The following KCNIP4 variants were observed in gnomAD, a reference collection of about 807,000 sequenced individuals.
KCNIP4 encodes Kv channel-interacting protein 4.
A neutral mutation model predicts 34.0 loss-of-function variants in KCNIP4; 12 were observed. The observed-to-expected ratio is 0.35, with a 90% CI of 0.23 to 0.57. The LOEUF is 0.57. Ranked by LOEUF, KCNIP4 falls within the 20% of genes least tolerant of loss-of-function variation. The pLI is 0.83. For synonymous variants in KCNIP4, 124 were observed against 102.2 expected, an observed-to-expected ratio of 1.21 and a Z score of -1.29; for missense variants, 238 against 311.7, an observed-to-expected ratio of 0.76 and a Z score of 1.78.
chr4:21,244,262 G>A (rs1453254814), intron 1 of KCNIP4, among the ~76,000 whole-genome samples: 1 of 152,042 alleles, frequency 6.6e-6, no homozygotes, highest in South Asian at 2.1e-4. Flanking sequence ...CATTTTTCTT[G>A]CTCGTGGAAG....
At chr4:20,890,068 T>C (rs890534851) in intron 1 of KCNIP4, among the ~76,000 whole-genome samples, 1 of 152,136 alleles carries the variant, frequency 6.6e-6, no homozygotes, top group African/African-American at 2.4e-5. Flanking sequence ...ACCTATGACA[T>C]TGCAGATCCC....
intron 1 of KCNIP4, among the ~76,000 whole-genome samples, chr4:21,469,555 C>T (rs924487317): frequency 6.6e-6 from 1 of 152,034 alleles, no homozygotes; most frequent in Non-Finnish European, 1.5e-5. Flanking sequence ...TCAATGAAAA[C>T]GTTTTGTACA....
At chr4:21,691,311 G>A (rs974425344) in intron 1 of KCNIP4, among the ~76,000 whole-genome samples, 2 of 152,104 alleles carry the variant, frequency 1.3e-5, no homozygotes, top group African/African-American at 4.8e-5. Flanking sequence ...TCTGTGGGTA[G>A]GCTATATTCC....
chr4:21,299,199 A>T (rs1041595280), intron 1 of KCNIP4, among the ~76,000 whole-genome samples: 1 of 152,066 alleles, frequency 6.6e-6, no homozygotes, highest in Non-Finnish European at 1.5e-5. Flanking sequence ...CATATAGGTG[A>T]TAATAAAAAG....
intron 2 of KCNIP4, among the ~76,000 whole-genome samples, chr4:20,868,521 A>C (rs1273670643): frequency 6.6e-6 from 1 of 152,102 alleles, no homozygotes; most frequent in Non-Finnish European, 1.5e-5. Context: ...TAATTCTACC[A>C]AAAAGACACA....
rs141989180 is a variant in KCNIP4, at chr4:20,771,177, A to T, written c.289-12287T>A. ...CTCAAGAATACAGAGAGATGACTGC[A>T]TGGAGATGATGGTATACACATATGT... On this transcript the variant is annotated intron_variant, in intron 3 of 8. Coordinates refer to ENST00000382152, the MANE Select transcript of KCNIP4 (RefSeq NM_025221.6). 5.0e-3 allele frequency among the ~76,000 whole-genome samples: 763 copies of T among 152,264 alleles called. 7 individuals are homozygous for T. The highest frequency in any genetic ancestry group is 0.039 in the South Asian group (190 of 4,820).
chr4:21,346,109 A>T (rs1056367914), intron 1 of KCNIP4, among the ~76,000 whole-genome samples: 5 of 121,958 alleles, frequency 4.1e-5, no homozygotes, highest in Non-Finnish European at 6.4e-5. Flanking sequence ...TTAAATATAT[A>T]TAAATATATA....
intron 1 of KCNIP4, among the ~76,000 whole-genome samples, chr4:21,512,514 T>C (rs1429512178): frequency 6.6e-6 from 1 of 152,054 alleles, no homozygotes; most frequent in Non-Finnish European, 1.5e-5. Context: ...TCTAAGAAAC[T>C]TATGTTTTAT....
intron 1 of KCNIP4, among the ~76,000 whole-genome samples, chr4:21,932,679 T>A (rs1279491971): frequency 6.6e-6 from 1 of 152,034 alleles, no homozygotes. Flanking sequence ...TGCCTTAATT[T>A]AAAGGTCAGA....
chr4:21,555,133 G>A (rs1047820897), intron 1 of KCNIP4, among the ~76,000 whole-genome samples: 7 of 152,192 alleles, frequency 4.6e-5, no homozygotes, highest in Admixed American at 2.6e-4. Flanking sequence ...CTCAAGAAGC[G>A]AAATAGTGGT....
At chr4:21,893,672 G>A (rs1727228822) in intron 1 of KCNIP4, among the ~76,000 whole-genome samples, 1 of 152,218 alleles carries the variant, frequency 6.6e-6, no homozygotes, top group Admixed American at 6.5e-5. Context: ...CTGAATAATG[G>A]TTGAATTTAA....
intron 1 of KCNIP4, among the ~76,000 whole-genome samples, chr4:21,130,353 A>G (rs1750969828): frequency 6.6e-6 from 1 of 152,198 alleles, no homozygotes; most frequent in African/African-American, 2.4e-5. Context: ...CTGAACCATT[A>G]CAGAAGTTAA....
intron 3 of KCNIP4, among the ~76,000 whole-genome samples, chr4:20,844,634 T>C (rs900216284): frequency 1.3e-5 from 2 of 152,206 alleles, no homozygotes; most frequent in East Asian, 1.9e-4. Context: ...TGCATCTTAC[T>C]GTTTCCCATG....
At chr4:21,100,744 G>GT (rs933610203) in intron 1 of KCNIP4, among the ~76,000 whole-genome samples, 1 of 151,882 alleles carries the variant, frequency 6.6e-6, no homozygotes, top group African/African-American at 2.4e-5. Context: ...TGTGTACATT[G>GT]TTTTTTTAGA....
intron 1 of KCNIP4, among the ~76,000 whole-genome samples, chr4:21,155,943 G>A (rs910262155): frequency 1.3e-5 from 2 of 152,042 alleles, no homozygotes; most frequent in African/African-American, 4.8e-5. Flanking sequence ...AACAATTCAT[G>A]CTTCAACCCT....
intron 1 of KCNIP4, among the ~76,000 whole-genome samples, chr4:21,909,629 C>T (rs762154824): frequency 9.9e-5 from 15 of 152,074 alleles, no homozygotes; most frequent in Admixed American, 2.0e-4. Context: ...ACTCCTATCA[C>T]AATAACTGGT....
At chr4:21,694,377 T>A (rs1712029319) in intron 1 of KCNIP4, among the ~76,000 whole-genome samples, 1 of 152,148 alleles carries the variant, frequency 6.6e-6, no homozygotes, top group African/African-American at 2.4e-5. Flanking sequence ...CTGAGGCCAT[T>A]AACTTGTAAT....
At chr4:21,441,674 T>A (rs1209896491) in intron 1 of KCNIP4, among the ~76,000 whole-genome samples, 1 of 152,214 alleles carries the variant, frequency 6.6e-6, no homozygotes, top group Non-Finnish European at 1.5e-5. Context: ...TAGTAACCAC[T>A]CATCCTCCTA....
intron 1 of KCNIP4, among the ~76,000 whole-genome samples, chr4:21,005,526 C>A (rs902440646): frequency 1.6e-4 from 23 of 139,552 alleles, no homozygotes; most frequent in Non-Finnish European, 3.1e-4. Context: ...ATTTATATTT[C>A]ATATTTATTT....
Sources: allele counts gnomAD v4.1 joint callset (sites outside exome capture counted in the v4.1 genomes callset), GRCh38; gene constraint gnomAD v4.1.1; transcripts MANE v1.5; gene names NCBI Gene and HGNC (gene_info 2026-07-23, HGNC 2026-07-21).